HOOK3: variants seen among roughly 807,000 people sequenced by gnomAD.
The protein encoded by HOOK3 is protein Hook homolog 3.
In HOOK3, 24 loss-of-function variants were observed where a neutral mutation model predicts 116.3. That is an observed-to-expected ratio of 0.21 (90% CI 0.15 to 0.29). The LOEUF (loss-of-function observed/expected upper bound fraction) is 0.29, where lower values mean the gene tolerates loss of function less well. Among genes scored for constraint, HOOK3 ranks in the 10% least tolerant of loss-of-function variants. The pLI, the probability that HOOK3 is intolerant of heterozygous loss-of-function variation, is 1.00. For synonymous variants in HOOK3, 275 were observed against 283.0 expected, an observed-to-expected ratio of 0.97 and a Z score of 0.28; for missense variants, 632 against 830.2, an observed-to-expected ratio of 0.76 and a Z score of 2.93.
At chr8:43,016,950 G>A (rs2130495415) in intron 21 of HOOK3, among the ~76,000 whole-genome samples, 1 of 152,194 alleles carries the variant, frequency 6.6e-6, no homozygotes, top group East Asian at 1.9e-4. Flanking sequence ...AAGGTGGGAG[G>A]ATCTCTTGAA....
At chr8:42,920,957 C>T (rs1195832996) in intron 2 of HOOK3, among the ~76,000 whole-genome samples, 2 of 152,102 alleles carry the variant, frequency 1.3e-5, no homozygotes, top group Non-Finnish European at 2.9e-5. Flanking sequence ...GTTGTCTTCC[C>T]TTCTGAACTC....
intron 1 of HOOK3, among the ~76,000 whole-genome samples, chr8:42,900,129 G>A (rs746968842): frequency 1.3e-5 from 2 of 152,008 alleles, no homozygotes; most frequent in African/African-American, 4.8e-5. Flanking sequence ...AAATTTTTTC[G>A]AAAGAGAGAG....
chr8:42,903,904 C>T (rs1389623987), intron 1 of HOOK3, among the ~76,000 whole-genome samples: 3 of 151,722 alleles, frequency 2.0e-5, no homozygotes, highest in South Asian at 2.1e-4. Flanking sequence ...TGCAGTGAGC[C>T]GATATCGCGC....
chr8:42,941,112 A>G (rs1808108373), intron 4 of HOOK3, among the ~76,000 whole-genome samples: 1 of 151,668 alleles, frequency 6.6e-6, no homozygotes, highest in Non-Finnish European at 1.5e-5. Flanking sequence ...ACACCCAGCT[A>G]ATTTTTGTAT....
intron 13 of HOOK3, among the ~76,000 whole-genome samples, chr8:42,982,349 A>G (rs1017097400): frequency 2.0e-5 from 3 of 151,312 alleles, no homozygotes; most frequent in African/African-American, 7.4e-5. Context: ...AATTGGTTAC[A>G]GAGTTTGTGA....
intron 11 of HOOK3, among the ~76,000 whole-genome samples, chr8:42,969,770 T>C (rs1338147598): frequency 1.3e-5 from 2 of 152,224 alleles, no homozygotes; most frequent in Non-Finnish European, 2.9e-5. Context: ...CATATTTCTT[T>C]TGTAAATTTC....
At chr8:42,999,970 C>T (rs1317515805) in intron 16 of HOOK3, among the ~76,000 whole-genome samples, 3 of 151,956 alleles carry the variant, frequency 2.0e-5, no homozygotes, top group African/African-American at 7.3e-5. Context: ...CATGGTGAAA[C>T]CCCATCTCTA....
chr8:43,009,419 T>A (rs1344013612), intron 18 of HOOK3, among the ~76,000 whole-genome samples: 1 of 151,932 alleles, frequency 6.6e-6, no homozygotes, highest in African/African-American at 2.4e-5. Context: ...AGAAATAGGC[T>A]CTATTTACAT....
intron 8 of HOOK3, among the ~76,000 whole-genome samples, 176 bp downstream of exon 8, chr8:42,959,490 T>G (rs75492567): frequency 0.016 from 2,488 of 151,644 alleles, 31 homozygotes; most frequent in Non-Finnish European, 0.022. Context: ...AGGCTGAGGG[T>G]GGCGGGTCAC....
intron 15 of HOOK3, 31 bp downstream of exon 15, chr8:42,986,826 A>T: frequency 6.2e-7 from 1 of 1,604,370 alleles, no homozygotes; most frequent in East Asian, 2.2e-5. Context: ...GCATCTGGCT[A>T]TAAGTTTTCC....
intron 6 of HOOK3, among the ~76,000 whole-genome samples, chr8:42,956,223 CGTGTGTGTGTGTGTGTGTGT>C (rs61448463): frequency 9.6e-5 from 13 of 135,886 alleles, no homozygotes; most frequent in African/African-American, 1.1e-4. Flanking sequence ...AGGATTAGGG[CGTGTGTGTGTGTGTGTGTGT>C]GTGTGTGTGT....
At chr8:42,903,990 A>T (rs1807250357) in intron 1 of HOOK3, among the ~76,000 whole-genome samples, 1 of 152,056 alleles carries the variant, frequency 6.6e-6, no homozygotes, top group Non-Finnish European at 1.5e-5. Flanking sequence ...TTGATAAATG[A>T]TACGGTGCGG....
chr8:42,927,330 C>T (rs1382195791), intron 3 of HOOK3, among the ~76,000 whole-genome samples: 2 of 148,306 alleles, frequency 1.3e-5, no homozygotes, highest in African/African-American at 2.5e-5. Flanking sequence ...AATCTCGGCT[C>T]GCTGCAACCT....
At chr8:42,925,717 G>T in intron 3 of HOOK3, 88 bp downstream of exon 3, 1 of 794,916 alleles carries the variant, frequency 1.3e-6, no homozygotes, top group Non-Finnish European at 2.0e-6. Context: ...TGTCCAGTGA[G>T]CTTTAGAAGC....
intron 2 of HOOK3, among the ~76,000 whole-genome samples, chr8:42,913,891 G>T (rs774785161): frequency 4.0e-5 from 6 of 151,548 alleles, no homozygotes; most frequent in Non-Finnish European, 7.4e-5. Flanking sequence ...TAAAAAAAAA[G>T]AATTTAAATT....
intron 9 of HOOK3, among the ~76,000 whole-genome samples, chr8:42,965,850 A>ATG (rs1213880483): frequency 6.6e-6 from 1 of 152,174 alleles, no homozygotes; most frequent in Non-Finnish European, 1.5e-5. Flanking sequence ...AGTTCAAAGA[A>ATG]TGGTCGAGGC....
At chr8:42,917,069 G>A (rs928093580) in intron 2 of HOOK3, among the ~76,000 whole-genome samples, 1 of 152,174 alleles carries the variant, frequency 6.6e-6, no homozygotes, top group African/African-American at 2.4e-5. Flanking sequence ...CCATGACCCC[G>A]TGCTCCCTTA....
intron 7 of HOOK3, 34 bp from the exon 8 acceptor site, chr8:42,959,197 A>G: frequency 7.3e-7 from 1 of 1,364,702 alleles, no homozygotes. Context: ...TTACCACTTC[A>G]TATTAAAATG....
intron 13 of HOOK3, among the ~76,000 whole-genome samples, chr8:42,974,830 C>A (rs912414976): frequency 1.3e-5 from 2 of 152,212 alleles, no homozygotes; most frequent in African/African-American, 4.8e-5. Flanking sequence ...CTCTGCGGCT[C>A]CCTTCCATTC....
Sources: gnomAD v4.1 joint callset for allele counts (sites outside exome capture counted in the v4.1 genomes callset) on GRCh38, gnomAD v4.1.1 for gene constraint, MANE v1.5 for transcripts, NCBI Gene and HGNC (gene_info 2026-07-23, HGNC 2026-07-21) for gene names.